The following AVL9 variants were observed in gnomAD, a reference collection of about 807,000 sequenced individuals.
AVL9 encodes AVL9 cell migration associated.
Under a neutral mutation model 79.2 loss-of-function variants are expected in AVL9, and 49 were observed. That is an observed-to-expected ratio of 0.62 (90% CI 0.49 to 0.79). AVL9 has a LOEUF of 0.79. AVL9 is among the 30% of genes least tolerant of loss of function. AVL9 has a pLI of 0.00. For synonymous variants in AVL9, 299 were observed against 280.6 expected (o/e 1.07, Z -0.65); for missense variants, 682 against 776.8 (o/e 0.88, Z 1.45).
rs921658344 is a variant in AVL9, at chr7:32,527,904, G to A, written c.94-15237G>A. Among the ~76,000 whole-genome samples the A allele has an allele frequency of 2.0e-5, 3 of 152,072 alleles. No individual in the cohort carries two copies. In the South Asian group the frequency reaches 6.2e-4, roughly 32 times the overall value. ...CCGTAAAATTTAACCTGGGAGACTGGTTCAGGCCATGATGAGAAATAGGGG... is the reference window on the plus strand; with the variant it reads ...CCGTAAAATTTAACCTGGGAGACTGATTCAGGCCATGATGAGAAATAGGGG... On this transcript the variant is annotated intron_variant, in intron 1 of 15. Coordinates refer to ENST00000318709, the MANE Select transcript of AVL9 (RefSeq NM_015060.3).
chr7:32,503,319 G>GATATATATATATATAT (rs371363185), intron 1 of AVL9, among the ~76,000 whole-genome samples: 3 of 120,648 alleles, frequency 2.5e-5, no homozygotes, highest in Admixed American at 9.1e-5. Flanking sequence ...TCTACTAAAA[G>GATATATATATATATAT]ATATATATAT....
In AVL9 at chr7:32,573,348, A is replaced by T; in HGVS notation, c.1500A>T (p.Gly500=). The part of the protein sequence containing the change: ...DVFLDGTGWE[G]GDEWIRAQFA... ...TCCTAGATGGCACGGGCTGGGAGGG[A>T]GGTGACGAATGGATCCGGGCCCAGT... Residue 500 remains glycine (G), a synonymous_variant, in exon 12 of 16, where the codon GGA becomes GGT. Transcript: ENST00000318709. 1 of 1,612,900 alleles carries T rather than the reference A, an allele frequency of 6.2e-7. No individual in the cohort carries two copies. Among genetic ancestry groups the T allele is most frequent in the Non-Finnish European group, 8.5e-7 (1 of 1,179,872 alleles).
chr7:32,556,946 G>A (rs979246740), intron 8 of AVL9, among the ~76,000 whole-genome samples: 1 of 152,022 alleles, frequency 6.6e-6, no homozygotes, highest in Non-Finnish European at 1.5e-5. Context: ...CACCCAGTCT[G>A]TATTCCTTTA....
intron 8 of AVL9, 107 bp downstream of exon 8, chr7:32,554,703 T>C: frequency 1.4e-6 from 1 of 726,540 alleles, no homozygotes; most frequent in East Asian, 3.1e-5. Context: ...TAAGATACTT[T>C]TTGCCTATCA....
intron 1 of AVL9, among the ~76,000 whole-genome samples, chr7:32,510,359 A>G (rs992590201): frequency 5.3e-5 from 8 of 151,524 alleles, no homozygotes; most frequent in Admixed American, 6.6e-5. Flanking sequence ...CTGCCCCAGT[A>G]TGAGGGAAAC....
intron 13 of AVL9, 102 bp from the exon 14 acceptor site, chr7:32,580,117 C>A: frequency 1.1e-6 from 1 of 888,008 alleles, no homozygotes; most frequent in Non-Finnish European, 1.8e-6. Flanking sequence ...TACCACCCAG[C>A]TGTGTTGTCC....
intron 3 of AVL9, among the ~76,000 whole-genome samples, chr7:32,548,170 C>T (rs528569097): frequency 1.4e-4 from 3 of 22,152 alleles, no homozygotes; most frequent in East Asian, 1.4e-3. Context: ...TTTTTTGAGA[C>T]GGAGTCTCAC....
chr7:32,558,100 C>T (rs1469008038), intron 8 of AVL9, among the ~76,000 whole-genome samples: 2 of 150,756 alleles, frequency 1.3e-5, no homozygotes, highest in African/African-American at 2.4e-5. Context: ...ATTATCTGCC[C>T]GCCTTGGCCT....
intron 1 of AVL9, among the ~76,000 whole-genome samples, chr7:32,513,932 T>C (rs1460783294): frequency 6.6e-6 from 1 of 152,234 alleles, no homozygotes; most frequent in Admixed American, 6.5e-5. Context: ...GCACATAGGC[T>C]AGTTTTATGT....
intron 10 of AVL9, among the ~76,000 whole-genome samples, chr7:32,561,620 T>A (rs1286073327): frequency 9.2e-5 from 14 of 152,198 alleles, no homozygotes; most frequent in Non-Finnish European, 1.5e-5. Context: ...TTCTTACCAT[T>A]TGTGTGTTCA....
intron 1 of AVL9, chr7:32,534,167 C>T (rs1456133886): frequency 1.3e-5 from 2 of 152,132 alleles, no homozygotes; most frequent in African/African-American, 4.8e-5. Context: ...TGATCAGAGT[C>T]AGCTTTTACT....
rs767216132 is a variant in AVL9 at position 32,559,057 on chromosome 7, T to C, written c.808T>C (p.Ser270Pro). The change falls in exon 10 of 16, where the codon TCA (serine) becomes CCA (proline). Residue 270 changes from serine (S) to proline (P), a missense_variant. Physicochemically the swap from Ser to Pro is moderately conservative, Grantham distance 74. Transcript: ENST00000318709. The part of the protein sequence containing the change: ...DFVSASTADV[S>P]HTNLGTIRKV... ...TGTTTCTGCATCCACTGCTGATGTT[T>C]CACATACCAACTTGGGAACTATCAG... 3 of 1,614,166 alleles carry C rather than the reference T, an allele frequency of 1.9e-6. No individual in the cohort carries two copies. The highest frequency in any genetic ancestry group is 1.7e-6 in the Non-Finnish European group (2 of 1,180,006).
chr7:32,517,289 CT>C (rs1190975474), intron 1 of AVL9, among the ~76,000 whole-genome samples: 2 of 150,744 alleles, frequency 1.3e-5, no homozygotes, highest in Non-Finnish European at 3.0e-5. Flanking sequence ...ACAGTAAAAT[CT>C]TTTTTTCTTT....
intron 10 of AVL9, among the ~76,000 whole-genome samples, chr7:32,567,336 A>G (rs1396626437): frequency 6.6e-6 from 1 of 152,166 alleles, no homozygotes; most frequent in Non-Finnish European, 1.5e-5. Flanking sequence ...TTCTGAGCTC[A>G]AGCAGTCTGC....
At position 32,558,575 on chromosome 7, in the gene AVL9, C is replaced by A; in HGVS notation, c.626C>A (p.Ser209Tyr). The change falls in exon 9 of 16, where the codon TCT becomes TAT. Residue 209 changes from serine (S) to tyrosine (Y), a missense_variant. Transcript: ENST00000318709. ...CCATTCCAGGTTCTTTTTTATATTTCTCCAGTGAATAAATTGGTGGGTGCA... is the reference window on the plus strand; with the variant it reads ...CCATTCCAGGTTCTTTTTTATATTTATCCAGTGAATAAATTGGTGGGTGCA... ...LLEKKVLFYI[S>Y]PVNKLVGALM... is the part of the protein sequence containing the mutation. 6.2e-7 allele frequency: 1 copy of A among 1,610,128 alleles called. No homozygotes were observed. The highest frequency in any genetic ancestry group is 8.5e-7 in the Non-Finnish European group (1 of 1,178,342).
intron 1 of AVL9, among the ~76,000 whole-genome samples, chr7:32,516,266 T>C (rs78936086): frequency 0.016 from 2,508 of 152,308 alleles, 66 homozygotes; most frequent in African/African-American, 0.057. Flanking sequence ...TGAGGACAGT[T>C]TACAGGAAGC....
intron 3 of AVL9, among the ~76,000 whole-genome samples, chr7:32,545,868 C>T (rs1245462195): frequency 6.6e-6 from 1 of 152,106 alleles, no homozygotes; most frequent in East Asian, 1.9e-4. Context: ...GGTTCTTAGT[C>T]TCAGCTGCAC....
intron 1 of AVL9, among the ~76,000 whole-genome samples, chr7:32,505,222 A>G (rs994081965): frequency 6.6e-6 from 1 of 151,858 alleles, no homozygotes; most frequent in Non-Finnish European, 1.5e-5. Context: ...CTAATTTAAA[A>G]GTTTTAGAAA....
intron 1 of AVL9, among the ~76,000 whole-genome samples, chr7:32,524,865 A>G (rs1321891225): frequency 2.0e-5 from 3 of 152,176 alleles, no homozygotes; most frequent in African/African-American, 7.2e-5. Context: ...CTGTCTTGCT[A>G]TGGAATGTTA....
Sources: gnomAD v4.1 joint callset for allele counts (sites outside exome capture counted in the v4.1 genomes callset) on GRCh38, gnomAD v4.1.1 for gene constraint, MANE v1.5 for transcripts, NCBI Gene and HGNC (gene_info 2026-07-23, HGNC 2026-07-21) for gene names.